Variants in KCTD8 observed in about 807,000 individuals in gnomAD.
KCTD8 encodes the protein BTB/POZ domain-containing protein KCTD8.
In KCTD8, 27 loss-of-function variants were observed where a neutral mutation model predicts 31.5. That is an observed-to-expected ratio of 0.86 (90% CI 0.63 to 1.18). The LOEUF (loss-of-function observed/expected upper bound fraction) is 1.18. Among genes scored for constraint, KCTD8 ranks in the 50% most tolerant of loss-of-function variants. The pLI is 0.00. For synonymous variants in KCTD8, 290 were observed against 280.0 expected (o/e 1.04, Z -0.36); for missense variants, 658 against 647.7 (o/e 1.02, Z -0.17).
chr4:44,265,530 A>G (rs900754388), intron 1 of KCTD8, among the ~76,000 whole-genome samples: 1 of 152,246 alleles, frequency 6.6e-6, no homozygotes, highest in African/African-American at 2.4e-5. Context: ...GCAATGGAAC[A>G]AAGCTGGATG....
chr4:44,419,439 G>C (rs1721158347), intron 1 of KCTD8, among the ~76,000 whole-genome samples: 2 of 152,150 alleles, frequency 1.3e-5, no homozygotes, highest in Non-Finnish European at 2.9e-5. Flanking sequence ...TACTATAAAA[G>C]CTGACAGAGC....
chr4:44,423,905 CT>C (rs1423023891), intron 1 of KCTD8, among the ~76,000 whole-genome samples: 1 of 152,006 alleles, frequency 6.6e-6, no homozygotes, highest in Non-Finnish European at 1.5e-5. Context: ...TGACTTGATT[CT>C]ATAGTAAAGC....
At chr4:44,214,764 CA>C (rs1216851021) in intron 1 of KCTD8, among the ~76,000 whole-genome samples, 3 of 152,082 alleles carry the variant, frequency 2.0e-5, no homozygotes, top group Non-Finnish European at 4.4e-5. Context: ...AGTCCTTTCC[CA>C]AAACAAACTG....
At chr4:44,347,169 C>T (rs556723789) in intron 1 of KCTD8, among the ~76,000 whole-genome samples, 1 of 152,294 alleles carries the variant, frequency 6.6e-6, no homozygotes, top group East Asian at 1.9e-4. Flanking sequence ...TAGAAATGAG[C>T]AATTGCTCAC....
At chr4:44,447,405 C>A (rs1721969190) in intron 1 of KCTD8, among the ~76,000 whole-genome samples, 158 bp downstream of exon 1, 1 of 152,166 alleles carries the variant, frequency 6.6e-6, no homozygotes, top group East Asian at 1.9e-4. Context: ...TAAATCGTGT[C>A]TACTGCATAA....
chr4:44,305,350 T>A (rs1454717256), intron 1 of KCTD8, among the ~76,000 whole-genome samples: 1 of 151,570 alleles, frequency 6.6e-6, no homozygotes, highest in Non-Finnish European at 1.5e-5. Flanking sequence ...TACAAAAAAA[T>A]TTTACAAGTT....
At chr4:44,280,618 T>A (rs1385416119) in intron 1 of KCTD8, among the ~76,000 whole-genome samples, 1 of 152,094 alleles carries the variant, frequency 6.6e-6, no homozygotes, top group Non-Finnish European at 1.5e-5. Flanking sequence ...CGAATCAAAT[T>A]GTGGAAGGGG....
intron 1 of KCTD8, among the ~76,000 whole-genome samples, chr4:44,224,254 AC>A (rs1714885987): frequency 6.6e-6 from 1 of 152,236 alleles, no homozygotes; most frequent in Non-Finnish European, 1.5e-5. Context: ...CCATTATATG[AC>A]AAAGACCTAA....
chr4:44,443,288 T>C (rs1056913639), intron 1 of KCTD8, among the ~76,000 whole-genome samples: 3 of 152,192 alleles, frequency 2.0e-5, no homozygotes, highest in African/African-American at 7.2e-5. Context: ...TTCCATAAAA[T>C]GATGTTTGGT....
intron 1 of KCTD8, among the ~76,000 whole-genome samples, chr4:44,337,146 T>G (rs1431498479): frequency 6.6e-6 from 1 of 152,138 alleles, no homozygotes; most frequent in Non-Finnish European, 1.5e-5. Flanking sequence ...TTTTTGTTGT[T>G]GTGGCAAATT....
intron 1 of KCTD8, among the ~76,000 whole-genome samples, chr4:44,409,120 G>A (rs865840827): frequency 2.6e-5 from 4 of 151,676 alleles, no homozygotes; most frequent in Non-Finnish European, 5.9e-5. Context: ...GGGCGTGCCT[G>A]TAATCCCAAC....
chr4:44,296,776 G>T (rs1162575992), intron 1 of KCTD8, among the ~76,000 whole-genome samples: 1 of 151,240 alleles, frequency 6.6e-6, no homozygotes, highest in Non-Finnish European at 1.5e-5. Context: ...GATTTTTTTT[G>T]AAAGTTTTTT....
intron 1 of KCTD8, among the ~76,000 whole-genome samples, chr4:44,411,999 A>G (rs2109464506): frequency 6.6e-6 from 1 of 152,282 alleles, no homozygotes; most frequent in East Asian, 1.9e-4. Context: ...AGCCCTAGGA[A>G]TCTACTACGC....
intron 1 of KCTD8, among the ~76,000 whole-genome samples, chr4:44,242,285 A>C (rs1715525491): frequency 6.6e-6 from 1 of 152,240 alleles, no homozygotes; most frequent in Non-Finnish European, 1.5e-5. Context: ...GAAGTTAAAA[A>C]ACTTGTTGAT....
chr4:44,302,434 G>A lies in KCTD8; in HGVS notation c.962-127184C>T, dbSNP rs549338341. 2.6e-4 allele frequency among the ~76,000 whole-genome samples: 39 copies of A among 152,054 alleles called. 1 individual carries two copies. Among genetic ancestry groups the A allele is most frequent in the African/African-American group, 6.8e-4 (28 of 41,460 alleles). ...AGTTCTCCTTGAAGAGGTCCTTCAC[G>A]TCCCTTTTAAGTTGGATTCCTAAGT... On this transcript the variant is annotated intron_variant, in intron 1 of 1. Transcript: ENST00000360029.
At chr4:44,320,199 AG>A (rs35987456) in intron 1 of KCTD8, among the ~76,000 whole-genome samples, 3,834 of 135,498 alleles carry the variant, frequency 0.028, 134 homozygotes, top group Non-Finnish European at 0.047. Context: ...AAAAAAAAAA[AG>A]AGAGAGAGAA....
chr4:44,305,832 A>C (rs558629372), intron 1 of KCTD8, among the ~76,000 whole-genome samples: 1 of 152,000 alleles, frequency 6.6e-6, no homozygotes, highest in South Asian at 2.1e-4. Flanking sequence ...ATCAAGTTTC[A>C]AAGTAGTTCA....
At chr4:44,179,220 C>G (rs2220576) in intron 1 of KCTD8, among the ~76,000 whole-genome samples, 18,114 of 151,884 alleles carry the variant, frequency 0.12, 1,431 homozygotes, top group East Asian at 0.36. Context: ...CTATATCCCT[C>G]TCTTCTCCTC....
At chr4:44,405,980 A>G (rs1360552393) in intron 1 of KCTD8, among the ~76,000 whole-genome samples, 1 of 152,120 alleles carries the variant, frequency 6.6e-6, no homozygotes, top group African/African-American at 2.4e-5. Flanking sequence ...TGGCAGCTCT[A>G]TTTCCTTTGT....
Sources: gnomAD v4.1 joint callset for allele counts (sites outside exome capture counted in the v4.1 genomes callset) on GRCh38, gnomAD v4.1.1 for gene constraint, MANE v1.5 for transcripts, NCBI Gene and HGNC (gene_info 2026-07-23, HGNC 2026-07-21) for gene names.